The following ADAMTS6 variants were observed in gnomAD, a reference collection of about 807,000 sequenced individuals.
ADAMTS6 encodes the protein ADAM metallopeptidase with thrombospondin type 1 motif 6, also known as A disintegrin and metalloproteinase with thrombospondin motifs 6.
In ADAMTS6, 23 loss-of-function variants were observed where a neutral mutation model predicts 144.3. The ratio of observed to expected loss-of-function variants is 0.16; its 90% confidence interval spans 0.11 to 0.23. The LOEUF is 0.23. Among genes scored for constraint, ADAMTS6 ranks in the 10% least tolerant of loss-of-function variants. ADAMTS6 has a pLI of 1.00. For missense variants in ADAMTS6, 999 were observed against 1,379.6 expected (o/e 0.72, Z 4.37); for synonymous variants, 444 against 457.5 (o/e 0.97, Z 0.38).
intron 15 of ADAMTS6, among the ~76,000 whole-genome samples, chr5:65,241,159 T>TA (rs1336938299): frequency 6.6e-5 from 10 of 151,258 alleles, no homozygotes; most frequent in African/African-American, 2.4e-4. Flanking sequence ...GTTGTCACTA[T>TA]AAAATTCTGT....
At chr5:65,296,958 C>T (rs991505152) in intron 10 of ADAMTS6, 5 of 204,614 alleles carry the variant, frequency 2.4e-5, no homozygotes, top group African/African-American at 1.2e-4. Context: ...GTATGAAAAA[C>T]TGGCTTAAAT....
intron 14 of ADAMTS6, chr5:65,251,176 T>C (rs1400856082): frequency 2.6e-5 from 4 of 152,352 alleles, no homozygotes; most frequent in African/African-American, 9.6e-5. Flanking sequence ...TTCAGAAGAT[T>C]GAGCACAGAT....
chr5:65,387,215 A>T (rs975179820), intron 7 of ADAMTS6, among the ~76,000 whole-genome samples: 3 of 152,234 alleles, frequency 2.0e-5, no homozygotes, highest in African/African-American at 7.2e-5. Context: ...TGAAAGCTAG[A>T]AAACTAACAT....
intron 23 of ADAMTS6, 66 bp downstream of exon 23, chr5:65,172,766 C>T: frequency 6.4e-7 from 1 of 1,552,096 alleles, no homozygotes; most frequent in Non-Finnish European, 8.7e-7. Context: ...AATGATCACA[C>T]AAGGAACCTC....
chr5:65,380,389 T>C (rs1166923780), intron 7 of ADAMTS6, among the ~76,000 whole-genome samples: 1 of 151,712 alleles, frequency 6.6e-6, no homozygotes, highest in Admixed American at 6.6e-5. Flanking sequence ...CTGGAAAACA[T>C]GGCAAAACTC....
At chr5:65,436,530 T>C (rs1757419599) in intron 7 of ADAMTS6, among the ~76,000 whole-genome samples, 2 of 151,236 alleles carry the variant, frequency 1.3e-5, no homozygotes, top group South Asian at 4.1e-4. Flanking sequence ...GCAAGCTGCA[T>C]TCCTTTATTT....
intron 18 of ADAMTS6, among the ~76,000 whole-genome samples, chr5:65,216,732 A>G (rs1032233975): frequency 8.6e-5 from 13 of 151,974 alleles, no homozygotes; most frequent in Admixed American, 8.5e-4. Flanking sequence ...AACTCAGAAA[A>G]AATATTGATA....
intron 3 of ADAMTS6, among the ~76,000 whole-genome samples, chr5:65,465,765 C>T (rs1366520094): frequency 6.6e-6 from 1 of 152,196 alleles, no homozygotes; most frequent in African/African-American, 2.4e-5. Flanking sequence ...GCTTCCAGAA[C>T]ATTTTCCAGA....
chr5:65,366,473 G>A (rs1750320126), intron 7 of ADAMTS6, among the ~76,000 whole-genome samples: 1 of 152,168 alleles, frequency 6.6e-6, no homozygotes, highest in Non-Finnish European at 1.5e-5. Flanking sequence ...GAACCAAGAA[G>A]TTAGTCACAA....
chr5:65,314,382 C>T (rs1248929045), intron 9 of ADAMTS6, among the ~76,000 whole-genome samples: 1 of 151,846 alleles, frequency 6.6e-6, no homozygotes, highest in Non-Finnish European at 1.5e-5. Flanking sequence ...ATACACCATC[C>T]AGGAATTTTG....
In ADAMTS6 at chr5:65,471,224, T is replaced by A; in HGVS notation, c.98-82A>T. On this transcript the variant is annotated intron_variant, in intron 2 of 24. Coordinates refer to ENST00000381055, the MANE Select transcript of ADAMTS6 (RefSeq NM_197941.4). The stretch of plus-strand genomic sequence containing the variant: ...TTAACGGAACAAAGAAGCAGCAATA[T>A]AAACAACAACTATGTCAATTAAAAC... The A allele has an allele frequency of 2.2e-6, 3 of 1,389,478 alleles. No homozygotes were observed. The South Asian group carries it at 4.3e-5, about 20-fold the overall frequency. 86.1% of individuals were successfully genotyped at this position (1,389,478 alleles called of 1,614,324 possible).
intron 14 of ADAMTS6, among the ~76,000 whole-genome samples, chr5:65,244,397 T>C (rs923321145): frequency 6.6e-6 from 1 of 152,072 alleles, no homozygotes; most frequent in Non-Finnish European, 1.5e-5. Flanking sequence ...GAAACAAAAA[T>C]GCAATTTTTC....
At chr5:65,459,940 C>CA (rs1759519291) in intron 4 of ADAMTS6, among the ~76,000 whole-genome samples, 1 of 151,858 alleles carries the variant, frequency 6.6e-6, no homozygotes, top group African/African-American at 2.4e-5. Flanking sequence ...TCCCTTCAAC[C>CA]AAAAAAAGAA....
At chr5:65,218,969 T>C (rs1757120594) in intron 18 of ADAMTS6, among the ~76,000 whole-genome samples, 1 of 152,064 alleles carries the variant, frequency 6.6e-6, no homozygotes, top group Non-Finnish European at 1.5e-5. Flanking sequence ...CAACCACTAA[T>C]TAAACAGAGC....
intron 7 of ADAMTS6, among the ~76,000 whole-genome samples, chr5:65,386,385 A>T (rs1329073370): frequency 6.6e-6 from 1 of 152,144 alleles, no homozygotes; most frequent in African/African-American, 2.4e-5. Flanking sequence ...CTTGTACACA[A>T]ATCTTTGATG....
At chr5:65,461,206 C>G (rs1407256115) in intron 3 of ADAMTS6, among the ~76,000 whole-genome samples, 2 of 152,214 alleles carry the variant, frequency 1.3e-5, no homozygotes, top group African/African-American at 4.8e-5. Flanking sequence ...TCACCCTCCA[C>G]TGAGCTCCAA....
chr5:65,366,568 C>A (rs900328752), intron 7 of ADAMTS6, among the ~76,000 whole-genome samples: 1 of 152,100 alleles, frequency 6.6e-6, no homozygotes, highest in African/African-American at 2.4e-5. Context: ...AATTCTAATT[C>A]TACTATATAA....
At chr5:65,358,202 A>G (rs532504651) in intron 7 of ADAMTS6, among the ~76,000 whole-genome samples, 1 of 152,106 alleles carries the variant, frequency 6.6e-6, no homozygotes, top group African/African-American at 2.4e-5. Context: ...CATTAACAGA[A>G]TAAGGAACTA....
At chr5:65,420,691 TAAAAAGGAAAAGAAAG>T (rs1755953417) in intron 7 of ADAMTS6, among the ~76,000 whole-genome samples, 1 of 152,056 alleles carries the variant, frequency 6.6e-6, no homozygotes, top group South Asian at 2.1e-4. Flanking sequence ...CTGAATTTCT[TAAAAAGGAAAAGAAAG>T]AAAAAGGAAT....
Sources: allele counts gnomAD v4.1 joint callset (sites outside exome capture counted in the v4.1 genomes callset), GRCh38; gene constraint gnomAD v4.1.1; transcripts MANE v1.5; gene names NCBI Gene and HGNC (gene_info 2026-07-23, HGNC 2026-07-21).